RMDN2: variants seen among roughly 807,000 people sequenced by gnomAD.
The protein encoded by RMDN2 is regulator of microtubule dynamics protein 2.
Under a neutral mutation model 52.8 loss-of-function variants are expected in RMDN2, and 61 were observed. That is an observed-to-expected ratio of 1.16 (90% confidence interval 0.94 to 1.43). The LOEUF (loss-of-function observed/expected upper bound fraction) is 1.43. RMDN2 is among the 40% of genes most tolerant of loss of function. The pLI is 0.00. For missense variants in RMDN2, 592 were observed against 475.3 expected (o/e 1.25, Z -2.28); for synonymous variants, 180 against 153.1 (o/e 1.18, Z -1.30).
intron 10 of RMDN2, among the ~76,000 whole-genome samples, chr2:38,009,668 G>T (rs1388784493): frequency 6.6e-6 from 1 of 151,998 alleles, no homozygotes; most frequent in Non-Finnish European, 1.5e-5. Flanking sequence ...TCCTCCTTTA[G>T]CTCGGAGTAG....
At chr2:38,057,059 G>C (rs942026302) in intron 10 of RMDN2, among the ~76,000 whole-genome samples, 4 of 152,166 alleles carry the variant, frequency 2.6e-5, no homozygotes, top group African/African-American at 9.7e-5. Flanking sequence ...GCACAGTCCA[G>C]GGCCATTCAA....
At chr2:37,945,782 A>T (rs1668169927) in intron 2 of RMDN2, among the ~76,000 whole-genome samples, 1 of 152,168 alleles carries the variant, frequency 6.6e-6, no homozygotes, top group Non-Finnish European at 1.5e-5. Context: ...TCTGGGAAAG[A>T]TTAGGCAACT....
rs764392789 is a variant in RMDN2 at position 37,951,751 on chromosome 2, C to T, written c.452+22022C>T. 8.7e-6 allele frequency: 14 copies of T among 1,612,722 alleles called. No individual in the cohort carries two copies. The African/African-American group carries it at 9.4e-5, about 11-fold the overall frequency. On this transcript the variant is annotated intron_variant, in intron 2 of 10. Transcript: ENST00000354545. ...GCTAAAAAACATATAACCATCTCTG[C>T]TCCTGAATATAACACTAAAAATTTT...
chr2:38,052,569 T>C (rs1681666213), intron 10 of RMDN2, among the ~76,000 whole-genome samples: 1 of 152,224 alleles, frequency 6.6e-6, no homozygotes, highest in South Asian at 2.1e-4. Context: ...TGCTGGTGCT[T>C]TTGGAGTCTT....
intron 5 of RMDN2, among the ~76,000 whole-genome samples, chr2:37,986,508 C>A (rs1038582800): frequency 6.6e-6 from 1 of 152,020 alleles, no homozygotes; most frequent in African/African-American, 2.4e-5. Flanking sequence ...CATTATCTCT[C>A]ATGAATATAG....
chr2:38,002,426 A>T (rs12053002), intron 8 of RMDN2, among the ~76,000 whole-genome samples: 10,596 of 152,268 alleles, frequency 0.07, 394 homozygotes, highest in East Asian at 0.1. Flanking sequence ...GCTATTGAAA[A>T]TGATGAAGTA....
chr2:37,948,842 C>T (rs1450815583), intron 2 of RMDN2, among the ~76,000 whole-genome samples: 4 of 152,022 alleles, frequency 2.6e-5, no homozygotes, highest in Non-Finnish European at 5.9e-5. Flanking sequence ...AGTGATCTGA[C>T]CTCTTTATTA....
At chr2:37,975,430 C>T (rs1457985585) in intron 4 of RMDN2, 116 bp downstream of exon 4, 17 of 595,518 alleles carry the variant, frequency 2.9e-5, no homozygotes, top group Non-Finnish European at 5.1e-5. Context: ...AGCTGGAAAC[C>T]ATCATTCTCA....
At chr2:38,053,901 C>T (rs1463002038) in intron 10 of RMDN2, among the ~76,000 whole-genome samples, 2 of 152,094 alleles carry the variant, frequency 1.3e-5, no homozygotes, top group Non-Finnish European at 2.9e-5. Flanking sequence ...GCACTGAAAA[C>T]CTCTCATTTT....
chr2:37,996,878 G>A (rs1428591643), intron 7 of RMDN2, among the ~76,000 whole-genome samples: 2 of 152,130 alleles, frequency 1.3e-5, no homozygotes, highest in Non-Finnish European at 2.9e-5. Context: ...TTGTAAATAT[G>A]TATAGTGGGT....
chr2:38,011,851 TG>T (rs1445445647), intron 10 of RMDN2, among the ~76,000 whole-genome samples: 2 of 152,156 alleles, frequency 1.3e-5, no homozygotes, highest in East Asian at 3.9e-4. Context: ...GCAAAAGGAA[TG>T]TGCCCACTTT....
chr2:37,971,675 G>A (rs965257204), intron 2 of RMDN2, among the ~76,000 whole-genome samples: 10 of 151,952 alleles, frequency 6.6e-5, no homozygotes, highest in Non-Finnish European at 1.3e-4. Flanking sequence ...TATGCATGTG[G>A]GTCTGTTTCT....
At chr2:38,067,061 G>A in exon 11 of RMDN2, 1 of 1,484,736 alleles carries the variant, frequency 6.7e-7, no homozygotes. Flanking sequence ...AAGGCCTGGA[G>A]AGTCATGACC....
intron 2 of RMDN2, among the ~76,000 whole-genome samples, chr2:37,947,193 C>T (rs894850370): frequency 3.3e-5 from 5 of 152,050 alleles, no homozygotes; most frequent in Admixed American, 2.6e-4. Context: ...CATCCCTCAC[C>T]TCCTCCCACC....
chr2:37,978,037 C>T (rs868339399), intron 4 of RMDN2, among the ~76,000 whole-genome samples: 21 of 152,134 alleles, frequency 1.4e-4, no homozygotes, highest in Middle Eastern at 3.2e-3. Flanking sequence ...CAACATTGAG[C>T]ACTGAGTGAG....
intron 10 of RMDN2, among the ~76,000 whole-genome samples, chr2:38,014,164 A>G (rs1193950783): frequency 6.6e-6 from 1 of 152,180 alleles, no homozygotes; most frequent in Non-Finnish European, 1.5e-5. Flanking sequence ...GTGAGCTGAG[A>G]TCGTGCCATT....
At chr2:37,932,065 A>T (rs1419556913) in intron 2 of RMDN2, among the ~76,000 whole-genome samples, 8 of 152,098 alleles carry the variant, frequency 5.3e-5, no homozygotes, top group African/African-American at 1.4e-4. Context: ...TATTTATTTT[A>T]TTTATTTATT....
Position 38,004,119 on chromosome 2 carries a change from T to A in RMDN2, c.1099-17T>A, listed in dbSNP as rs1397494849. The A allele has an allele frequency of 1.2e-6, 2 of 1,611,492 alleles. No homozygotes were observed. The highest frequency in any genetic ancestry group is 1.7e-5 in the Admixed American group (1 of 60,016). ...AAAAACGGATTATGTTTAATATTGG[T>A]TATTTCTCATTTCCAGTGTTATACT... On this transcript the variant is annotated splice_polypyrimidine_tract_variant and intron_variant, in intron 9 of 10. Transcript: ENST00000354545.
intron 5 of RMDN2, 146 bp downstream of exon 5, chr2:37,981,489 C>A: frequency 1.7e-6 from 1 of 580,574 alleles, no homozygotes; most frequent in Non-Finnish European, 3.1e-6. Flanking sequence ...AGTAACTGTT[C>A]TTATTCTGTT....
Sources: allele counts gnomAD v4.1 joint callset (sites outside exome capture counted in the v4.1 genomes callset), GRCh38; gene constraint gnomAD v4.1.1; transcripts MANE v1.5; gene names NCBI Gene and HGNC (gene_info 2026-07-23, HGNC 2026-07-21).